The following GRID2 variants were observed in gnomAD, a reference collection of about 807,000 sequenced individuals.
GRID2 encodes glutamate ionotropic receptor delta type subunit 2, also known as glutamate receptor ionotropic, delta-2.
GRID2 carries 33 observed loss-of-function variants against 114.8 expected under a neutral mutation model. That is an observed-to-expected ratio of 0.29 (90% CI 0.22 to 0.38). GRID2 has a LOEUF of 0.38. Among genes scored for constraint, GRID2 ranks in the 10% least tolerant of loss-of-function variants. The pLI, the probability that GRID2 is intolerant of heterozygous loss-of-function variation, is 1.00. For synonymous variants in GRID2, 505 were observed against 449.9 expected (o/e 1.12, Z -1.55); for missense variants, 1,184 against 1,257.7 (o/e 0.94, Z 0.89).
rs145079677 is a variant in GRID2 at position 92,568,225 on chromosome 4, G to A, written c.89-21906G>A. Among the ~76,000 whole-genome samples the A allele has an allele frequency of 2.9e-4, 44 of 152,106 alleles. 1 individual carries two copies. In the East Asian group the frequency reaches 8.5e-3, roughly 29 times the overall value. On this transcript the variant is annotated intron_variant, in intron 1 of 15. Coordinates refer to ENST00000282020, the MANE Select transcript of GRID2 (RefSeq NM_001510.4). ...TTGCAGGAGCAACAAAAAGACTTGG[G>A]TAACTGGATGTCAGTGAGGAAGAGG...
chr4:93,014,899 T>C lies in GRID2; in HGVS notation c.245-70096T>C, dbSNP rs115374492. 9.6e-3 allele frequency among the ~76,000 whole-genome samples: 1,469 copies of C among 152,254 alleles called. 16 individuals carry two copies. The highest frequency in any genetic ancestry group is 0.039 in the South Asian group (188 of 4,824). ...GTGGATCTGGGGGGTCTATTCCATA[T>C]CTATTTAATACAAAAGTGTTATTCA... On this transcript the variant is annotated intron_variant, in intron 2 of 15. Transcript: ENST00000282020.
intron 1 of GRID2, among the ~76,000 whole-genome samples, chr4:92,305,240 G>A (rs922976605): frequency 2.0e-5 from 3 of 152,254 alleles, no homozygotes; most frequent in African/African-American, 7.2e-5. Context: ...GGCTGAGTTC[G>A]CCGCAGCTTA....
intron 2 of GRID2, among the ~76,000 whole-genome samples, chr4:92,796,598 A>G (rs1180960239): frequency 6.6e-6 from 1 of 151,872 alleles, no homozygotes; most frequent in Non-Finnish European, 1.5e-5. Flanking sequence ...CAGAATATAT[A>G]TATATTTTTC....
chr4:92,960,196 T>C (rs185944112), intron 2 of GRID2, among the ~76,000 whole-genome samples: 211 of 152,156 alleles, frequency 1.4e-3, no homozygotes, highest in African/African-American at 4.7e-3. Flanking sequence ...GTGGTTTACC[T>C]TGGTGAATTT....
intron 4 of GRID2, among the ~76,000 whole-genome samples, chr4:93,160,388 TTTG>T (rs776884060): frequency 1.5e-4 from 23 of 151,690 alleles, no homozygotes; most frequent in Non-Finnish European, 2.9e-4. Flanking sequence ...TAAAAAAAAG[TTTG>T]TTTACTTCAA....
chr4:93,527,638 T>C lies in GRID2; in HGVS notation c.2193+12227T>C, dbSNP rs539282915. On this transcript the variant is annotated intron_variant, in intron 13 of 15. Transcript: ENST00000282020. ...GCACATCACATTCATAGCTTTCATATTTAAAGTTCATTTTTTCAATGCAAA... is the reference window on the plus strand; with the variant it reads ...GCACATCACATTCATAGCTTTCATACTTAAAGTTCATTTTTTCAATGCAAA... 6.6e-5 allele frequency among the ~76,000 whole-genome samples: 10 copies of C among 152,218 alleles called. No individual in the cohort carries two copies. In the South Asian group the frequency reaches 2.1e-3, roughly 32 times the overall value.
At chr4:93,175,011 T>G (rs992566660) in intron 4 of GRID2, among the ~76,000 whole-genome samples, 1 of 152,186 alleles carries the variant, frequency 6.6e-6, no homozygotes, top group Admixed American at 6.5e-5. Flanking sequence ...GGTGATATGG[T>G]AAGTGCCTAT....
chr4:92,679,204 T>C (rs976205625), intron 2 of GRID2, among the ~76,000 whole-genome samples: 2 of 152,034 alleles, frequency 1.3e-5, no homozygotes, highest in Admixed American at 6.6e-5. Context: ...ATTCAACCAG[T>C]ATGGTCTTTT....
At chr4:92,958,645 C>T (rs1752590182) in intron 2 of GRID2, among the ~76,000 whole-genome samples, 1 of 151,998 alleles carries the variant, frequency 6.6e-6, no homozygotes, top group African/African-American at 2.4e-5. Flanking sequence ...CTTATAATGT[C>T]TTTATCTGAT....
intron 5 of GRID2, among the ~76,000 whole-genome samples, chr4:93,212,718 T>A (rs540831905): frequency 1.6e-4 from 25 of 152,168 alleles, no homozygotes; most frequent in Admixed American, 4.6e-4. Flanking sequence ...TTATTCTCTG[T>A]TAATCACTGC....
intron 13 of GRID2, among the ~76,000 whole-genome samples, chr4:93,538,763 A>G (rs978771318): frequency 6.6e-6 from 1 of 151,912 alleles, no homozygotes. Flanking sequence ...GTACTCCTCA[A>G]CACTGTCAAG....
intron 4 of GRID2, among the ~76,000 whole-genome samples, chr4:93,155,692 G>A (rs1263886807): frequency 6.6e-6 from 1 of 151,724 alleles, no homozygotes; most frequent in East Asian, 1.9e-4. Context: ...GGAGAAGGGA[G>A]GGGCAAGCAA....
chr4:93,703,528 G>A (rs766503632), intron 14 of GRID2, among the ~76,000 whole-genome samples: 25 of 151,834 alleles, frequency 1.6e-4, no homozygotes, highest in Non-Finnish European at 3.2e-4. Flanking sequence ...AAGTTTTAGA[G>A]TGCATGTGCA....
chr4:92,934,748 T>C (rs2149525582), intron 2 of GRID2, among the ~76,000 whole-genome samples: 1 of 146,786 alleles, frequency 6.8e-6, no homozygotes, highest in African/African-American at 2.4e-5. Flanking sequence ...TCTACAACTA[T>C]CTGATCTTTG....
At chr4:93,344,984 A>AGTGTGTGTGTGT (rs35018148) in intron 8 of GRID2, among the ~76,000 whole-genome samples, 17 of 142,404 alleles carry the variant, frequency 1.2e-4, no homozygotes, top group Admixed American at 2.1e-4. Context: ...GTTGTATTCT[A>AGTGTGTGTGTGT]GTGTGTGTGT....
At chr4:93,329,790 A>G (rs1008865388) in intron 8 of GRID2, among the ~76,000 whole-genome samples, 2 of 152,150 alleles carry the variant, frequency 1.3e-5, no homozygotes, top group African/African-American at 4.8e-5. Flanking sequence ...CTACTATGCA[A>G]ATATCTTGGC....
chr4:92,945,351 C>T (rs971745369), intron 2 of GRID2, among the ~76,000 whole-genome samples: 2 of 152,002 alleles, frequency 1.3e-5, no homozygotes, highest in African/African-American at 2.4e-5. Context: ...AGAATAATAC[C>T]AACCATTTCA....
chr4:93,419,141 T>C (rs937612279), intron 9 of GRID2, among the ~76,000 whole-genome samples: 3 of 150,642 alleles, frequency 2.0e-5, no homozygotes, highest in South Asian at 2.1e-4. Flanking sequence ...GTACCAGTTA[T>C]GGTGTGTGTT....
At chr4:92,649,938 G>T (rs1042048756) in intron 2 of GRID2, among the ~76,000 whole-genome samples, 2 of 151,874 alleles carry the variant, frequency 1.3e-5, no homozygotes, top group African/African-American at 4.8e-5. Context: ...GACTTAATAC[G>T]TTCAACTTAC....
Sources: allele counts gnomAD v4.1 joint callset (sites outside exome capture counted in the v4.1 genomes callset), GRCh38; gene constraint gnomAD v4.1.1; transcripts MANE v1.5; gene names NCBI Gene and HGNC (gene_info 2026-07-23, HGNC 2026-07-21).